The following ANKRD10 variants were observed in gnomAD, a reference collection of about 807,000 sequenced individuals.
ANKRD10 encodes ankyrin repeat domain-containing protein 10.
ANKRD10 carries 14 observed loss-of-function variants against 27.0 expected under a neutral mutation model. The ratio of observed to expected loss-of-function variants is 0.52; its 90% CI spans 0.34 to 0.81. The LOEUF (loss-of-function observed/expected upper bound fraction) is 0.81, where lower values mean the gene tolerates loss of function less well. ANKRD10 is among the 40% of genes least tolerant of loss of function. ANKRD10 has a pLI of 0.01. For synonymous variants in ANKRD10, 250 were observed against 224.5 expected (o/e 1.11, Z -1.01); for missense variants, 493 against 544.0 (o/e 0.91, Z 0.93).
At chr13:110,907,476 T>G (rs1168997501) in intron 2 of ANKRD10, among the ~76,000 whole-genome samples, 2 of 152,158 alleles carry the variant, frequency 1.3e-5, no homozygotes, top group East Asian at 3.9e-4. Flanking sequence ...CAACTCATAC[T>G]CACAGGAATA....
At chr13:110,886,739 C>T (rs1338475882) in intron 4 of ANKRD10, among the ~76,000 whole-genome samples, 1 of 152,136 alleles carries the variant, frequency 6.6e-6, no homozygotes. Flanking sequence ...AGAAGGGTGG[C>T]CTGTACAGAC....
chr13:110,906,127 G>T lies in ANKRD10; in HGVS notation c.364-3C>A. The T allele has an allele frequency of 1.3e-6, 2 of 1,592,054 alleles. No individual in the cohort carries two copies. The highest frequency in any genetic ancestry group is 1.7e-6 in the Non-Finnish European group (2 of 1,168,746). On this transcript the variant is annotated splice_region_variant and splice_polypyrimidine_tract_variant and intron_variant, in intron 2 of 5. Transcript: ENST00000267339. ...ATGGGAGTTTCACCCTCACAATCCT[G>T]AAACAACAAAAAGCAAAATATACAC...
chr13:110,883,933 G>A, intron 4 of ANKRD10, 140 bp from the exon 5 acceptor site: 1 of 935,450 alleles, frequency 1.1e-6, no homozygotes, highest in Non-Finnish European at 1.5e-6. Context: ...TCACTAATGA[G>A]CTTAGCACAC....
At chr13:110,905,299 C>T (rs1235381170) in intron 3 of ANKRD10, 2 of 152,006 alleles carry the variant, frequency 1.3e-5, no homozygotes, top group Non-Finnish European at 2.9e-5. Context: ...AATGTAACAA[C>T]TAAAATAAAT....
intron 3 of ANKRD10, chr13:110,894,416 A>C (rs958111476): frequency 1.6e-5 from 5 of 317,564 alleles, no homozygotes; most frequent in Admixed American, 9.1e-5. Flanking sequence ...AAAAAAAAAA[A>C]AAAAAAAAAA....
At chr13:110,905,610 C>T (rs552184992) in intron 3 of ANKRD10, among the ~76,000 whole-genome samples, 131 of 152,252 alleles carry the variant, frequency 8.6e-4, no homozygotes, top group Non-Finnish European at 1.3e-3. Context: ...GAATTTTCTT[C>T]AGAAACCTTC....
chr13:110,912,475 G>A (rs773408559), intron 1 of ANKRD10, among the ~76,000 whole-genome samples: 1 of 152,212 alleles, frequency 6.6e-6, no homozygotes, highest in Non-Finnish European at 1.5e-5. Context: ...AAGATGAACA[G>A]GTTGCAAATC....
intron 4 of ANKRD10, among the ~76,000 whole-genome samples, chr13:110,888,433 T>C (rs1430859491): frequency 6.6e-6 from 1 of 151,982 alleles, no homozygotes; most frequent in East Asian, 1.9e-4. Context: ...CACAATTAGG[T>C]AGGTGTGTTC....
At chr13:110,884,396 T>C (rs6492325) in intron 4 of ANKRD10, among the ~76,000 whole-genome samples, 51,161 of 152,032 alleles carry the variant, frequency 0.34, 9,296 homozygotes, top group South Asian at 0.43. Context: ...TTCTCTGTAC[T>C]GTGGAGATGC....
At chr13:110,897,047 T>C (rs2065244473) in intron 3 of ANKRD10, among the ~76,000 whole-genome samples, 1 of 152,068 alleles carries the variant, frequency 6.6e-6, no homozygotes, top group Non-Finnish European at 1.5e-5. Context: ...TGTACTGAAT[T>C]AGCCATACAA....
intron 3 of ANKRD10, among the ~76,000 whole-genome samples, chr13:110,896,002 C>T (rs561832319): frequency 6.6e-5 from 10 of 152,294 alleles, no homozygotes; most frequent in East Asian, 1.9e-4. Context: ...GCTCAAAAGA[C>T]GGATTCTGGC....
chr13:110,890,929 C>G (rs1271624354), intron 4 of ANKRD10, among the ~76,000 whole-genome samples: 1 of 152,084 alleles, frequency 6.6e-6, no homozygotes, highest in Non-Finnish European at 1.5e-5. Context: ...ATGTAGTTAA[C>G]GAGGATTAGG....
At chr13:110,908,916 C>T (rs1293986115) in intron 2 of ANKRD10, among the ~76,000 whole-genome samples, 3 of 152,206 alleles carry the variant, frequency 2.0e-5, no homozygotes, top group Non-Finnish European at 4.4e-5. Context: ...TACCCGGATA[C>T]TTCAAATACA....
chr13:110,896,462 A>G (rs553410661), intron 3 of ANKRD10, among the ~76,000 whole-genome samples: 1 of 152,304 alleles, frequency 6.6e-6, no homozygotes, highest in East Asian at 1.9e-4. Context: ...TGCCCCTGAA[A>G]GTCCTCATTC....
chr13:110,898,394 A>G (rs1014323415), intron 3 of ANKRD10, among the ~76,000 whole-genome samples: 2 of 152,214 alleles, frequency 1.3e-5, no homozygotes, highest in Admixed American at 6.5e-5. Flanking sequence ...TTGTTAACCA[A>G]TATTTCAGTT....
chr13:110,893,130 C>A lies in ANKRD10; in HGVS notation c.589G>T (p.Gly197Cys). ...HFYNNGILNG[G>C]HQNVFPNHIS... is the part of the protein sequence containing the mutation. ...TGATTAGGAAATACATTCTGATGAC[C>A]CCCATTTAAGATGCCATTGTTATAG... The change falls in exon 4 of 6, where the codon GGT (glycine) becomes TGT (cysteine). Residue 197 changes from glycine (G) to cysteine (C), a missense_variant. Transcript: ENST00000267339. 1 of 1,614,118 alleles carries A rather than the reference C, an allele frequency of 6.2e-7. No individual in the cohort carries two copies. The highest frequency in any genetic ancestry group is 1.7e-5 in the Admixed American group (1 of 60,026).
chr13:110,888,814 T>G (rs1046335483), intron 4 of ANKRD10, among the ~76,000 whole-genome samples: 3 of 152,220 alleles, frequency 2.0e-5, no homozygotes, highest in Admixed American at 2.0e-4. Flanking sequence ...GTTTTTATAT[T>G]CAATACCTTC....
chr13:110,902,508 T>C (rs545705592), intron 3 of ANKRD10, among the ~76,000 whole-genome samples: 1 of 152,358 alleles, frequency 6.6e-6, no homozygotes, highest in African/African-American at 2.4e-5. Flanking sequence ...GGCTTTGTTA[T>C]AGCCAACTGT....
rs1420306408 is a variant in ANKRD10, at chr13:110,891,498, TAA to T, written c.691+1528_691+1529del. On this transcript the variant is annotated intron_variant, in intron 4 of 5. Coordinates refer to ENST00000267339, the MANE Select transcript of ANKRD10 (RefSeq NM_017664.4). Reference sequence around the variant, plus strand: ...AAACTGTTAAGTTCATACATTACTATAAAAAGTCTTATCACAGGAATTTTTAT... The same window carrying T: ...AAACTGTTAAGTTCATACATTACTATAAAGTCTTATCACAGGAATTTTTAT... 3.3e-5 allele frequency among the ~76,000 whole-genome samples: 5 copies of T among 152,324 alleles called. No homozygotes were observed. The East Asian group carries it at 5.8e-4, about 18-fold the overall frequency.
Sources: gnomAD v4.1 joint callset for allele counts (sites outside exome capture counted in the v4.1 genomes callset) on GRCh38, gnomAD v4.1.1 for gene constraint, MANE v1.5 for transcripts, NCBI Gene and HGNC (gene_info 2026-07-23, HGNC 2026-07-21) for gene names.